Variants in TTC23L observed in about 807,000 individuals in gnomAD.
The protein encoded by TTC23L is tetratricopeptide repeat protein 23-like.
In TTC23L, 42 loss-of-function variants were observed where a neutral mutation model predicts 48.1. The observed-to-expected ratio is 0.87, with a 90% CI of 0.68 to 1.13. The LOEUF is 1.13. Ranked by LOEUF, TTC23L falls within the 50% of genes most tolerant of loss-of-function variation. The probability of loss-of-function intolerance (pLI) is 0.00; values close to 1 mark genes in which losing one functional copy is unlikely to be tolerated. For missense variants in TTC23L, 391 were observed against 421.0 expected (o/e 0.93, Z 0.62); for synonymous variants, 159 against 157.2 (o/e 1.01, Z -0.09).
intron 4 of TTC23L, among the ~76,000 whole-genome samples, chr5:34,857,377 T>TA (rs1281515239): frequency 2.6e-5 from 4 of 152,324 alleles, no homozygotes; most frequent in African/African-American, 9.6e-5. Context: ...GGGGCTCTGT[T>TA]ACAAATGTTG....
chr5:34,915,659 GCCGCCGAA>G, the TTC23L span: 1 of 1,458,892 alleles, frequency 6.9e-7, no homozygotes, highest in Non-Finnish European at 9.1e-7. Flanking sequence ...AGCGCTTAGA[GCCGCCGAA>G]CCATAGAGAT....
At chr5:34,917,813 A>T in the TTC23L span, among the ~76,000 whole-genome samples, 1 of 152,180 alleles carries the variant, frequency 6.6e-6, no homozygotes, top group South Asian at 2.1e-4. Context: ...ATTATGAGAC[A>T]TCTGTCATGG....
chr5:34,891,408 T>C (rs1395002141), intron 9 of TTC23L, among the ~76,000 whole-genome samples: 2 of 152,170 alleles, frequency 1.3e-5, no homozygotes, highest in Non-Finnish European at 1.5e-5. Context: ...TTAAATAAAA[T>C]CATGTCTATA....
intron 4 of TTC23L, 139 bp from the exon 5 acceptor site, chr5:34,862,759 C>G: frequency 5.0e-6 from 5 of 1,003,658 alleles, no homozygotes; most frequent in South Asian, 1.9e-5. Flanking sequence ...AATTCTGATT[C>G]ACAGCCAGAT....
chr5:34,906,597 C>CAACT, the TTC23L span: 1 of 152,112 alleles, frequency 6.6e-6, no homozygotes, highest in African/African-American at 2.4e-5. Context: ...TGTAATCCTA[C>CAACT]AACTGTACTC....
chr5:34,855,414 A>T (rs1760043207), intron 4 of TTC23L, among the ~76,000 whole-genome samples: 2 of 152,216 alleles, frequency 1.3e-5, no homozygotes, highest in Non-Finnish European at 2.9e-5. Context: ...TTAATCTAGC[A>T]GTGATGGAAT....
intron 4 of TTC23L, among the ~76,000 whole-genome samples, chr5:34,852,234 A>G (rs140515265): frequency 1.4e-3 from 209 of 152,136 alleles, no homozygotes; most frequent in African/African-American, 4.8e-3. Flanking sequence ...TTGGTCCTTT[A>G]TATATGTTGA....
intron 9 of TTC23L, among the ~76,000 whole-genome samples, chr5:34,892,765 T>C (rs188454843): frequency 6.6e-6 from 1 of 152,286 alleles, no homozygotes; most frequent in Admixed American, 6.5e-5. Context: ...GTGGCGTAGA[T>C]ACCCGATATT....
chr5:34,870,381 C>A (rs981858949), intron 8 of TTC23L, among the ~76,000 whole-genome samples: 12 of 151,966 alleles, frequency 7.9e-5, no homozygotes, highest in Non-Finnish European at 1.3e-4. Flanking sequence ...CACAAAGTAC[C>A]ATAAATAAAA....
intron 9 of TTC23L, among the ~76,000 whole-genome samples, chr5:34,884,184 A>G (rs572792788): frequency 6.6e-6 from 1 of 152,328 alleles, no homozygotes; most frequent in African/African-American, 2.4e-5. Flanking sequence ...CAGAAAAAGC[A>G]TTGGACAAAA....
At chr5:34,914,897 CA>C in the TTC23L span, 1 of 1,614,050 alleles carries the variant, frequency 6.2e-7, no homozygotes, top group Non-Finnish European at 8.5e-7. Context: ...GGGCATCGTC[CA>C]CTGCGCATTC....
At chr5:34,882,618 T>TAAACAC (rs1554021945) in intron 9 of TTC23L, among the ~76,000 whole-genome samples, 2 of 140,876 alleles carry the variant, frequency 1.4e-5, no homozygotes, top group Non-Finnish European at 3.1e-5. Flanking sequence ...TCCCATGGAC[T>TAAACAC]ACACACACAC....
the TTC23L span, among the ~76,000 whole-genome samples, chr5:34,904,701 G>C: frequency 1.3e-5 from 2 of 152,108 alleles, no homozygotes; most frequent in Non-Finnish European, 2.9e-5. Flanking sequence ...CTTAAGGCAG[G>C]CTTGACAATA....
At chr5:34,909,253 C>A in the TTC23L span, 2 of 1,585,186 alleles carry the variant, frequency 1.3e-6, no homozygotes, top group Admixed American at 1.7e-5. Context: ...ATATTAAGAA[C>A]TGACCTGTTG....
At chr5:34,922,606 A>AT in the TTC23L span, 1 of 1,596,172 alleles carries the variant, frequency 6.3e-7, no homozygotes, top group Non-Finnish European at 8.6e-7. Context: ...GACTCAATAA[A>AT]TTTTTTTAGA....
chr5:34,925,585 G>A, the TTC23L span: 19 of 1,089,306 alleles, frequency 1.7e-5, no homozygotes, highest in Admixed American at 3.0e-5. Context: ...ACTATCTTAC[G>A]TCTAATTAGT....
At chr5:34,925,357 A>C in the TTC23L span, 1 of 1,614,082 alleles carries the variant, frequency 6.2e-7, no homozygotes, top group Non-Finnish European at 8.5e-7. Context: ...ATGTTTTTGT[A>C]ACACCAGCTG....
At chr5:34,852,693 G>A (rs1759774070) in intron 4 of TTC23L, among the ~76,000 whole-genome samples, 1 of 152,146 alleles carries the variant, frequency 6.6e-6, no homozygotes, top group South Asian at 2.1e-4. Context: ...GGCATGACCT[G>A]GACAATTAGC....
the TTC23L span, chr5:34,908,668 A>G: frequency 3.1e-5 from 35 of 1,142,438 alleles, 1 homozygote; most frequent in Non-Finnish European, 2.9e-5. Context: ...CTTCTTCTCT[A>G]TAGAAAATCC....
Sources: allele counts gnomAD v4.1 joint callset (sites outside exome capture counted in the v4.1 genomes callset), GRCh38; gene constraint gnomAD v4.1.1; transcripts MANE v1.5; gene names NCBI Gene and HGNC (gene_info 2026-07-23, HGNC 2026-07-21).